Variants in SYNPR observed in about 807,000 individuals in gnomAD.
SYNPR encodes the protein synaptoporin.
In SYNPR, 23 loss-of-function variants were observed where a neutral mutation model predicts 32.9. The observed-to-expected ratio is 0.70, with a 90% CI of 0.50 to 0.99. SYNPR has a LOEUF of 0.99. Ranked by LOEUF, SYNPR falls within the 50% of genes least tolerant of loss-of-function variation. The pLI is 0.00. For synonymous variants in SYNPR, 146 were observed against 135.9 expected, an observed-to-expected ratio of 1.07 and a Z score of -0.52; for missense variants, 318 against 349.3, an observed-to-expected ratio of 0.91 and a Z score of 0.71.
rs539107406 is a variant in SYNPR at position 63,296,780 on chromosome 3, G to T, written c.84+18038G>T. 2.6e-5 allele frequency among the ~76,000 whole-genome samples: 4 copies of T among 152,218 alleles called. No homozygotes were observed. In the East Asian group the frequency reaches 7.7e-4, roughly 29 times the overall value. On this transcript the variant is annotated intron_variant, in intron 2 of 5. Transcript: ENST00000478300. ...TTCTACTCTTTAAAAGTACAGTTTA[G>T]TTGTTTATAATTTAAATAATCAATA...
the SYNPR span, chr3:63,203,075 T>C: frequency 3.9e-5 from 1 of 25,354 alleles, no homozygotes; most frequent in East Asian, 2.4e-3. Flanking sequence ...TGTGTATATA[T>C]ATATATATAT....
chr3:63,334,198 G>C (rs1484672436), intron 2 of SYNPR, among the ~76,000 whole-genome samples: 2 of 152,176 alleles, frequency 1.3e-5, no homozygotes, highest in African/African-American at 4.8e-5. Flanking sequence ...GCATGTAAAA[G>C]CCTAGTGCAG....
At chr3:63,327,469 C>CA (rs2087180352) in intron 2 of SYNPR, among the ~76,000 whole-genome samples, 1 of 152,018 alleles carries the variant, frequency 6.6e-6, no homozygotes, top group South Asian at 2.1e-4. Flanking sequence ...TATGTCCAAA[C>CA]AATTCCATTC....
chr3:63,293,276 G>C (rs2086759461), intron 2 of SYNPR, among the ~76,000 whole-genome samples: 1 of 152,104 alleles, frequency 6.6e-6, no homozygotes, highest in African/African-American at 2.4e-5. Context: ...TCCCATGTCT[G>C]CTTTGCTGCC....
chr3:63,390,039 G>A (rs1317638332), intron 2 of SYNPR, among the ~76,000 whole-genome samples: 4 of 152,102 alleles, frequency 2.6e-5, no homozygotes, highest in African/African-American at 9.7e-5. Context: ...CTTTAAATTG[G>A]ACCAAGCATC....
chr3:63,515,046 T>G (rs185127552), intron 3 of SYNPR, among the ~76,000 whole-genome samples: 2 of 152,292 alleles, frequency 1.3e-5, no homozygotes, highest in Non-Finnish European at 2.9e-5. Flanking sequence ...TTGAAATATT[T>G]ACAAAGCAAT....
chr3:63,564,010 G>A (rs530046821), intron 4 of SYNPR, among the ~76,000 whole-genome samples: 1 of 150,298 alleles, frequency 6.7e-6, no homozygotes, highest in Non-Finnish European at 1.5e-5. Context: ...AGAGCATCTT[G>A]AGGTTGGTGA....
At chr3:63,593,205 T>C (rs1505591) in intron 4 of SYNPR, among the ~76,000 whole-genome samples, 61,185 of 151,934 alleles carry the variant, frequency 0.4, 12,762 homozygotes, top group African/African-American at 0.51. Context: ...ACTACTAATA[T>C]TATTAATTTA....
chr3:63,557,695 A>G (rs370846090), intron 4 of SYNPR, among the ~76,000 whole-genome samples: 1 of 152,214 alleles, frequency 6.6e-6, no homozygotes, highest in Admixed American at 6.5e-5. Flanking sequence ...GCGATGTGGG[A>G]CATATAACTC....
intron 2 of SYNPR, among the ~76,000 whole-genome samples, chr3:63,457,817 C>G (rs1700511184): frequency 6.6e-6 from 1 of 152,088 alleles, no homozygotes; most frequent in East Asian, 1.9e-4. Flanking sequence ...ACTGCTTTGT[C>G]TGAGCTCATG....
chr3:63,536,738 T>C (rs944315140), intron 3 of SYNPR, among the ~76,000 whole-genome samples: 1 of 152,274 alleles, frequency 6.6e-6, no homozygotes, highest in Non-Finnish European at 1.5e-5. Context: ...TACCAATTGA[T>C]GAATGAATTT....
chr3:63,316,056 T>G (rs1249212720), intron 2 of SYNPR, among the ~76,000 whole-genome samples: 1 of 152,118 alleles, frequency 6.6e-6, no homozygotes, highest in Non-Finnish European at 1.5e-5. Context: ...GACTTGCATA[T>G]GTTAAACCAT....
chr3:63,573,942 G>C (rs182719879), intron 4 of SYNPR, among the ~76,000 whole-genome samples: 1 of 152,248 alleles, frequency 6.6e-6, no homozygotes, highest in East Asian at 1.9e-4. Flanking sequence ...TGGGCCCACT[G>C]GTGGGTAAAA....
Position 63,528,485 on chromosome 3 carries a change from C to T in SYNPR, c.210-28058C>T, listed in dbSNP as rs1249932081. ...GTTGCCTATCTCTGGCTGCAACAGA[C>T]ACTCAAATGTCACCCTGAAACTGCA... On this transcript the variant is annotated intron_variant, in intron 3 of 5. Transcript: ENST00000478300. Among the ~76,000 whole-genome samples the T allele has an allele frequency of 2.0e-5, 3 of 152,134 alleles. No individual in the cohort carries two copies. In the East Asian group the frequency reaches 5.8e-4, roughly 29 times the overall value.
At chr3:63,478,027 T>C (rs534885221) in intron 2 of SYNPR, among the ~76,000 whole-genome samples, 8 of 152,308 alleles carry the variant, frequency 5.3e-5, no homozygotes, top group Middle Eastern at 3.4e-3. Flanking sequence ...GTGAGGACTA[T>C]GGGGAAGGGA....
intron 2 of SYNPR, among the ~76,000 whole-genome samples, chr3:63,358,754 C>G (rs1331814232): frequency 6.6e-6 from 1 of 152,174 alleles, no homozygotes; most frequent in African/African-American, 2.4e-5. Context: ...CATGTATTAT[C>G]TTAATCCTCA....
At chr3:63,484,123 C>T (rs1264264473) in intron 3 of SYNPR, among the ~76,000 whole-genome samples, 2 of 152,120 alleles carry the variant, frequency 1.3e-5, no homozygotes, top group Non-Finnish European at 2.9e-5. Flanking sequence ...AATAAATATG[C>T]CGAAGTGCAT....
rs75321228 is a variant in SYNPR at position 63,456,244 on chromosome 3, T to C, written c.85-24588T>C. 8.4e-3 allele frequency among the ~76,000 whole-genome samples: 1,283 copies of C among 152,236 alleles called. 58 individuals carry two copies. In the East Asian group the frequency reaches 0.13, roughly 16 times the overall value. On this transcript the variant is annotated intron_variant, in intron 2 of 5. Coordinates refer to ENST00000478300, the MANE Select transcript of SYNPR (RefSeq NM_001130003.2). ...TTTGGATGGGGACACAGCCAAATCA[T>C]ATCACCTCCCTAGTGTCTAATACAT...
At chr3:63,554,095 ATTTGT>A (rs1264392253) in intron 3 of SYNPR, among the ~76,000 whole-genome samples, 1 of 151,930 alleles carries the variant, frequency 6.6e-6, no homozygotes, top group Non-Finnish European at 1.5e-5. Flanking sequence ...TTGCTTGTTG[ATTTGT>A]TTAAGTTCTT....
Sources: allele counts gnomAD v4.1 joint callset (sites outside exome capture counted in the v4.1 genomes callset), GRCh38; gene constraint gnomAD v4.1.1; transcripts MANE v1.5; gene names NCBI Gene and HGNC (gene_info 2026-07-23, HGNC 2026-07-21).